The following CRISPLD1 variants were observed in gnomAD, a reference collection of about 807,000 sequenced individuals.
CRISPLD1 encodes cysteine-rich secretory protein LCCL domain-containing 1.
Under a neutral mutation model 77.5 loss-of-function variants are expected in CRISPLD1, and 60 were observed. The observed-to-expected ratio is 0.77, with a 90% CI of 0.63 to 0.96. CRISPLD1 has a LOEUF of 0.96. Among genes scored for constraint, CRISPLD1 ranks in the 40% least tolerant of loss-of-function variants. The pLI is 0.00. For synonymous variants in CRISPLD1, 195 were observed against 200.1 expected (o/e 0.97, Z 0.22); for missense variants, 623 against 615.8 (o/e 1.01, Z -0.12).
chr8:75,028,645 C>T (rs1380427194), intron 13 of CRISPLD1, among the ~76,000 whole-genome samples: 1 of 152,038 alleles, frequency 6.6e-6, no homozygotes, highest in Admixed American at 6.6e-5. Context: ...AAGTATTGGA[C>T]CTGAAACAAC....
chr8:75,007,559 T>G (rs1053918246), intron 2 of CRISPLD1, among the ~76,000 whole-genome samples: 1 of 152,048 alleles, frequency 6.6e-6, no homozygotes, highest in Non-Finnish European at 1.5e-5. Flanking sequence ...TTACCAGTTT[T>G]CAGTTATTGT....
At chr8:74,990,953 C>T (rs927028050) in intron 2 of CRISPLD1, among the ~76,000 whole-genome samples, 5 of 151,868 alleles carry the variant, frequency 3.3e-5, no homozygotes, top group African/African-American at 1.2e-4. Context: ...TTTATACCTA[C>T]ATTGGTACCA....
At position 75,005,073 on chromosome 8, in the gene CRISPLD1, TCTC is replaced by T. The variant is rs1226663563; in HGVS notation, c.259-7357_259-7355del. On this transcript the variant is annotated intron_variant, in intron 2 of 14. Coordinates refer to ENST00000262207, the MANE Select transcript of CRISPLD1 (RefSeq NM_031461.6). ...GGGCTTATAATTAGAAAATCTGAAA[TCTC>T]CTTGGTTATCACAAAACGGCTTCTC... 4.6e-5 allele frequency among the ~76,000 whole-genome samples: 7 copies of T among 152,232 alleles called. No individual in the cohort carries two copies. In the South Asian group the frequency reaches 1.0e-3, roughly 23 times the overall value.
chr8:75,014,154 A>AC, intron 5 of CRISPLD1, 52 bp downstream of exon 5: 1 of 1,138,396 alleles, frequency 8.8e-7, no homozygotes, highest in Non-Finnish European at 1.3e-6. Flanking sequence ...AACAAAATGA[A>AC]AATACCTTTA....
At chr8:74,992,856 T>A (rs1301910096) in intron 2 of CRISPLD1, among the ~76,000 whole-genome samples, 1 of 152,060 alleles carries the variant, frequency 6.6e-6, no homozygotes, top group African/African-American at 2.4e-5. Context: ...TTGGTTTCAA[T>A]TGGTTACTTA....
rs1274674242 is a variant in CRISPLD1, at chr8:75,032,467, A to G, written c.*225A>G. ...AATGGTTTTAGAAATCCTGTGTTAA[A>G]TATTGCTATATTTTCTTAGCAGTTA... On this transcript the variant is annotated 3_prime_UTR_variant, in exon 15 of 15. Coordinates refer to ENST00000262207, the MANE Select transcript of CRISPLD1 (RefSeq NM_031461.6). 2.7e-6 allele frequency: 1 copy of G among 372,974 alleles called. No homozygotes were observed. Among genetic ancestry groups the G allele is most frequent in the Non-Finnish European group, 4.8e-6 (1 of 207,236 alleles). 23.1% of individuals were successfully genotyped at this position (372,974 alleles called of 1,614,324 possible).
chr8:75,014,779 C>A, intron 5 of CRISPLD1, 33 bp from the exon 6 acceptor site: 2 of 1,391,680 alleles, frequency 1.4e-6, no homozygotes, highest in Non-Finnish European at 2.0e-6. Flanking sequence ...TGCCATTAGA[C>A]TACTTTTTAA....
In CRISPLD1 at chr8:75,020,010, A is replaced by G. The variant is rs1813103849; in HGVS notation, c.1175A>G (p.Gln392Arg). ...GTTTTGTGTTTTAATTCTTCAGTTC[A>G]GGCTGTGACTTGTGAAACAACTGTG... ...NSFTVSKVTVQAVTCETTVEQ... is the reference protein window; with the variant it reads ...NSFTVSKVTVRAVTCETTVEQ... The change falls in exon 12 of 15, where the codon CAG (glutamine) becomes CGG (arginine). Residue 392 changes from glutamine (Q) to arginine (R), a missense_variant. Coordinates refer to ENST00000262207, the MANE Select transcript of CRISPLD1 (RefSeq NM_031461.6). 6.2e-7 allele frequency: 1 copy of G among 1,613,986 alleles called. No individual in the cohort carries two copies. Among genetic ancestry groups the G allele is most frequent in the African/African-American group, 1.3e-5 (1 of 74,946 alleles).
chr8:75,001,173 C>T (rs1222282571), intron 2 of CRISPLD1, among the ~76,000 whole-genome samples: 1 of 148,018 alleles, frequency 6.8e-6, no homozygotes, highest in Non-Finnish European at 1.5e-5. Context: ...AACAATTTTA[C>T]ATAAAACACA....
chr8:74,994,909 G>A (rs1812623689), intron 2 of CRISPLD1, among the ~76,000 whole-genome samples: 1 of 152,168 alleles, frequency 6.6e-6, no homozygotes, highest in African/African-American at 2.4e-5. Context: ...GGATAGACCA[G>A]CTTTAGGTAG....
rs193299949 is a variant in CRISPLD1 at position 75,025,590 on chromosome 8, C to G, written c.1289C>G (p.Ala430Gly). ...TGTATGCAAGCAAATCCACATTATGCTCGTGTAATTGGAACTCGAGTTTAT... is the reference window on the plus strand; with the variant it reads ...TGTATGCAAGCAAATCCACATTATGGTCGTGTAATTGGAACTCGAGTTTAT... ...RNCMQANPHY[A>G]RVIGTRVYSD... is the part of the protein sequence containing the mutation. Residue 430 changes from alanine (A) to glycine (G), a missense_variant, in exon 13 of 15, where the codon GCT becomes GGT. By Grantham distance (60) the Ala-to-Gly change is moderately conservative. Coordinates refer to ENST00000262207, the MANE Select transcript of CRISPLD1 (RefSeq NM_031461.6). 66 of 1,589,928 alleles carry G rather than the reference C, an allele frequency of 4.2e-5. No individual in the cohort carries two copies. The highest frequency in any genetic ancestry group is 6.0e-6 in the Non-Finnish European group (7 of 1,160,654).
At chr8:74,998,755 T>A (rs949707172) in intron 2 of CRISPLD1, among the ~76,000 whole-genome samples, 1 of 151,308 alleles carries the variant, frequency 6.6e-6, no homozygotes, top group Non-Finnish European at 1.5e-5. Context: ...ACTATATTAT[T>A]TCAAGGTATT....
chr8:74,990,531 T>C (rs1256769749), intron 2 of CRISPLD1, among the ~76,000 whole-genome samples: 1 of 152,122 alleles, frequency 6.6e-6, no homozygotes, highest in Non-Finnish European at 1.5e-5. Flanking sequence ...TATCCTATGT[T>C]TGTGGCTCCA....
rs538752794 is a variant in CRISPLD1, at chr8:75,024,449, CCA to C, written c.1245-1096_1245-1095del. Among the ~76,000 whole-genome samples, 47 of 152,206 alleles carry C rather than the reference CCA, an allele frequency of 3.1e-4. No homozygotes were observed. The South Asian group carries it at 9.6e-3, about 31-fold the overall frequency. ...CCAACAATTCTCCTCCATCAGCCTC[CCA>C]AGTAGTGGGATTACAGGCACCCAGG... On this transcript the variant is annotated intron_variant, in intron 12 of 14. Coordinates refer to ENST00000262207, the MANE Select transcript of CRISPLD1 (RefSeq NM_031461.6).
chr8:75,023,083 A>G (rs1414220580), intron 12 of CRISPLD1, among the ~76,000 whole-genome samples: 2 of 151,914 alleles, frequency 1.3e-5, no homozygotes, highest in South Asian at 4.1e-4. Flanking sequence ...TAAAAAAAAA[A>G]AAAAAAAAAA....
At position 75,012,887 on chromosome 8, in the gene CRISPLD1, T is replaced by C. The variant is rs1812957734; in HGVS notation, c.378-3T>C. The C allele has an allele frequency of 1.2e-6, 2 of 1,603,662 alleles. No homozygotes were observed. The highest frequency in any genetic ancestry group is 1.3e-5 in the African/African-American group (1 of 74,452). ...CCCTCTGTGACTATTTTCTTTCTAA[T>C]AGATATAGGCCCCCGACGTTTCATG... On this transcript the variant is annotated splice_region_variant and splice_polypyrimidine_tract_variant and intron_variant, in intron 3 of 14. Transcript: ENST00000262207.
intron 2 of CRISPLD1, among the ~76,000 whole-genome samples, chr8:74,993,086 C>A (rs535022224): frequency 1.3e-4 from 19 of 151,976 alleles, no homozygotes; most frequent in Non-Finnish European, 2.1e-4. Context: ...ACATTATTTG[C>A]TATCAGCGGT....
chr8:74,995,070 G>A (rs906481937), intron 2 of CRISPLD1, among the ~76,000 whole-genome samples: 1 of 152,134 alleles, frequency 6.6e-6, no homozygotes, highest in Non-Finnish European at 1.5e-5. Context: ...CATTTAAGTG[G>A]TATTTAAACT....
At chr8:74,999,191 A>G (rs957431825) in intron 2 of CRISPLD1, among the ~76,000 whole-genome samples, 2 of 152,178 alleles carry the variant, frequency 1.3e-5, no homozygotes, top group Non-Finnish European at 2.9e-5. Flanking sequence ...AACAGAATCA[A>G]TAAGGTGTGA....
Sources: gnomAD v4.1 joint callset for allele counts (sites outside exome capture counted in the v4.1 genomes callset) on GRCh38, gnomAD v4.1.1 for gene constraint, MANE v1.5 for transcripts, NCBI Gene and HGNC (gene_info 2026-07-23, HGNC 2026-07-21) for gene names.